Variants in MGST1 observed in about 807,000 individuals in gnomAD.
The protein encoded by MGST1 is microsomal glutathione S-transferase 1, also known as glutathione S-transferase 12.
In MGST1, 5 loss-of-function variants were observed where a neutral mutation model predicts 8.9. The observed-to-expected ratio is 0.56, with a 90% confidence interval of 0.29 to 1.19. The LOEUF (loss-of-function observed/expected upper bound fraction) is 1.19. Ranked by LOEUF, MGST1 falls within the 50% of genes most tolerant of loss-of-function variation. The pLI is 0.08. For missense variants in MGST1, 182 were observed against 187.4 expected (o/e 0.97, Z 0.17); for synonymous variants, 54 against 67.8 (o/e 0.80, Z 1.00).
chr12:16,416,757 ATGT>A (rs1940791025), intron 1 of MGST1, among the ~76,000 whole-genome samples: 1 of 152,204 alleles, frequency 6.6e-6, no homozygotes, highest in African/African-American at 2.4e-5. Flanking sequence ...GAGGGTGTAT[ATGT>A]AAAAAAAGTT....
Position 16,407,453 on chromosome 12 carries a change from A to G in MGST1, n.778+23849A>G, listed in dbSNP as rs938397637. On this transcript the variant is annotated intron_variant and non_coding_transcript_variant, in intron 1 of 1. Coordinates refer to the MGST1 transcript ENST00000359720. Reference sequence around the variant, plus strand: ...TTGTGGAGAAAAAGGAACACTTAATATACTGCTGGTGGGAGTGTAAATAAG... The same window carrying G: ...TTGTGGAGAAAAAGGAACACTTAATGTACTGCTGGTGGGAGTGTAAATAAG... 7.2e-5 allele frequency among the ~76,000 whole-genome samples: 11 copies of G among 152,302 alleles called. No homozygotes were observed. The East Asian group carries it at 2.1e-3, about 29-fold the overall frequency.
intron 4 of MGST1, among the ~76,000 whole-genome samples, chr12:16,569,253 T>A (rs2137419598): frequency 6.6e-6 from 1 of 152,330 alleles, no homozygotes; most frequent in Admixed American, 6.5e-5. Context: ...CAAGAGAACC[T>A]ATATCCCTTA....
chr12:16,383,197 C>T (rs1027063257), exon 1 of MGST1: 1 of 153,056 alleles, frequency 6.5e-6, no homozygotes, highest in African/African-American at 2.4e-5. Flanking sequence ...AACCTGGTAC[C>T]TCAGTTGGAA....
chr12:16,451,229 T>G (rs1219941447), intron 4 of MGST1, among the ~76,000 whole-genome samples: 1 of 151,880 alleles, frequency 6.6e-6, no homozygotes, highest in Non-Finnish European at 1.5e-5. Context: ...AAACAATTTA[T>G]TTTCAGTATA....
chr12:16,485,108 T>C lies in MGST1; in HGVS notation n.482+101504T>C, dbSNP rs138973934. Among the ~76,000 whole-genome samples the C allele has an allele frequency of 3.3e-3, 501 of 152,348 alleles. 6 individuals are homozygous for C. The highest frequency in any genetic ancestry group is 0.012 in the African/African-American group (491 of 41,576). ...TTCCCTCAGCTGTCATTTACTCTGTTGACCACCTTCCCCCTCTTAAAACCC... is the reference window on the plus strand; with the variant it reads ...TTCCCTCAGCTGTCATTTACTCTGTCGACCACCTTCCCCCTCTTAAAACCC... On this transcript the variant is annotated intron_variant and non_coding_transcript_variant, in intron 4 of 4. Transcript: ENST00000538857.
At chr12:16,464,196 G>A (rs1941239972) in intron 4 of MGST1, among the ~76,000 whole-genome samples, 1 of 152,268 alleles carries the variant, frequency 6.6e-6, no homozygotes, top group East Asian at 1.9e-4. Context: ...ATGGTCAACC[G>A]CAGTTACTAT....
rs758374170 is a variant in MGST1, at chr12:16,364,032, G to C, written c.459G>C (p.Leu153Phe). The change falls in exon 4 of 4, where the codon TTG (leucine) becomes TTC (phenylalanine). Residue 153 changes from leucine to phenylalanine, a missense_variant. By Grantham distance (22) the Leu-to-Phe change is conservative. Transcript: ENST00000396210. This position sits in a 1 kb window ranked among gnomAD's most constrained non-coding sequence, Gnocchi z 5.7. ...SMAYRLLKSKLYL is the reference protein window; with the variant it reads ...SMAYRLLKSKFYL ...CTTACAGGTTGCTGAAAAGTAAATT[G>C]TACCTGTAAAGAAAATCATACAACT... The C allele has an allele frequency of 6.2e-7, 1 of 1,603,922 alleles. No individual in the cohort carries two copies. The highest frequency in any genetic ancestry group is 2.2e-5 in the East Asian group (1 of 44,780).
chr12:16,443,581 C>T (rs73068146), downstream of MGST1, among the ~76,000 whole-genome samples: 928 of 151,916 alleles, frequency 6.1e-3, 5 homozygotes, highest in Non-Finnish European at 0.011. Flanking sequence ...AGTATTTTTA[C>T]AACATCATAA....
chr12:16,473,669 T>C (rs1227964735), intron 4 of MGST1, among the ~76,000 whole-genome samples: 1 of 152,224 alleles, frequency 6.6e-6, no homozygotes, highest in Non-Finnish European at 1.5e-5. Flanking sequence ...GTGCTGTTTG[T>C]GTTTTGAATG....
intron 1 of MGST1, among the ~76,000 whole-genome samples, chr12:16,434,048 A>G (rs1483158496): frequency 2.0e-5 from 3 of 152,088 alleles, no homozygotes; most frequent in Non-Finnish European, 4.4e-5. Context: ...CACAGTCCCC[A>G]TTACATTTCC....
chr12:16,378,938 GCTCT>G (rs1225647860), downstream of MGST1, among the ~76,000 whole-genome samples: 4 of 151,894 alleles, frequency 2.6e-5, no homozygotes, highest in Non-Finnish European at 5.9e-5. Context: ...TCATGATTTG[GCTCT>G]CTGTTTGTCT....
At chr12:16,351,962 A>T (rs536570184) in intron 1 of MGST1, among the ~76,000 whole-genome samples, 10 of 152,220 alleles carry the variant, frequency 6.6e-5, no homozygotes, top group African/African-American at 2.4e-4. Context: ...CCAGCCACAG[A>T]GTAGGCATTC....
At chr12:16,390,100 A>T (rs571724865) in intron 1 of MGST1, among the ~76,000 whole-genome samples, 3 of 152,278 alleles carry the variant, frequency 2.0e-5, no homozygotes, top group Non-Finnish European at 4.4e-5. Flanking sequence ...GCAAAGACTG[A>T]CATTTACACA....
At chr12:16,393,101 C>A (rs992336741) in intron 1 of MGST1, among the ~76,000 whole-genome samples, 2 of 146,486 alleles carry the variant, frequency 1.4e-5, no homozygotes, top group African/African-American at 5.0e-5. Context: ...TTAACTCTTT[C>A]CTGTTTTTAG....
chr12:16,465,081 C>T (rs1941244447), intron 4 of MGST1, among the ~76,000 whole-genome samples: 1 of 152,126 alleles, frequency 6.6e-6, no homozygotes, highest in South Asian at 2.1e-4. Context: ...CCAGATGTAA[C>T]CTAGGTGTGA....
intron 4 of MGST1, among the ~76,000 whole-genome samples, chr12:16,529,664 T>G (rs367732607): frequency 1.3e-5 from 2 of 152,070 alleles, no homozygotes; most frequent in Non-Finnish European, 2.9e-5. Context: ...TGCTTAAACT[T>G]CTTTTGTGAA....
intron 3 of MGST1, among the ~76,000 whole-genome samples, chr12:16,373,133 G>A (rs1940325031): frequency 6.6e-6 from 1 of 151,522 alleles, no homozygotes; most frequent in African/African-American, 2.4e-5. Flanking sequence ...TTTTATGTTA[G>A]TGAAATAATC....
chr12:16,508,011 T>C (rs1941551048), intron 4 of MGST1, among the ~76,000 whole-genome samples: 1 of 152,186 alleles, frequency 6.6e-6, no homozygotes, highest in Non-Finnish European at 1.5e-5. Context: ...GCATGCTTTT[T>C]TCATATGTGT....
At chr12:16,554,236 A>G (rs1591766375) in intron 4 of MGST1, among the ~76,000 whole-genome samples, 1 of 152,210 alleles carries the variant, frequency 6.6e-6, no homozygotes, top group Admixed American at 6.5e-5. Flanking sequence ...GCAGGTTATC[A>G]AAAGCCTATG....
Sources: gnomAD v4.1 joint callset for allele counts (sites outside exome capture counted in the v4.1 genomes callset) on GRCh38, gnomAD v4.1.1 for gene constraint, Gnocchi (gnomAD v3.1) non-coding constraint, MANE v1.5 for transcripts, NCBI Gene and HGNC (gene_info 2026-07-23, HGNC 2026-07-21) for gene names.